The following SCAMP5 variants were observed in gnomAD, a reference collection of about 807,000 sequenced individuals.
SCAMP5 encodes secretory carrier-associated membrane protein 5.
Under a neutral mutation model 28.3 loss-of-function variants are expected in SCAMP5, and 7 were observed. The observed-to-expected ratio is 0.25, with a 90% CI of 0.14 to 0.46. The LOEUF is 0.46. Ranked by LOEUF, SCAMP5 falls within the 20% of genes least tolerant of loss-of-function variation. SCAMP5 has a pLI of 0.99. For missense variants in SCAMP5, 192 were observed against 312.5 expected (o/e 0.61, Z 2.91); for synonymous variants, 117 against 116.4 (o/e 1.00, Z -0.03).
chr15:75,020,324 C>T lies in SCAMP5; in HGVS notation c.*1341C>T, dbSNP rs2065895179. 6.5e-6 allele frequency: 1 copy of T among 152,828 alleles called. No individual in the cohort carries two copies. Among genetic ancestry groups the T allele is most frequent in the African/African-American group, 2.4e-5 (1 of 41,424 alleles). The allele number at this position is 152,828 out of a possible 1,614,324, so 9.5% of individuals were successfully genotyped here. A position where few individuals can be genotyped will look rare whatever the true frequency, so the allele number is the denominator to read the frequency against. On this transcript the variant is annotated 3_prime_UTR_variant, in exon 7 of 7. Coordinates refer to ENST00000425597, the MANE Select transcript of SCAMP5 (RefSeq NM_138967.4). Reference sequence around the variant, plus strand: ...AGAGGGGAGCATGCCTTCCCCCACCCTGGCTTGCTCTTGGTCACAGGGCGG... The same window carrying T: ...AGAGGGGAGCATGCCTTCCCCCACCTTGGCTTGCTCTTGGTCACAGGGCGG...
chr15:75,019,982 C>A lies in SCAMP5; in HGVS notation c.*999C>A. 1 of 153,924 alleles carries A rather than the reference C, an allele frequency of 6.5e-6. No individual in the cohort carries two copies. The allele number at this position is 153,924 out of a possible 1,614,324, so 9.5% of individuals were successfully genotyped here. On this transcript the variant is annotated 3_prime_UTR_variant, in exon 7 of 7. Coordinates refer to ENST00000425597, the MANE Select transcript of SCAMP5 (RefSeq NM_138967.4). ...TCCCTCTGCCTCCTCCCCATGCCCC[C>A]AGTTGCTGTGGCTTGATTCTGCTAC...
intron 1 of SCAMP5, among the ~76,000 whole-genome samples, chr15:75,010,538 A>G (rs1421878474): frequency 6.6e-6 from 1 of 152,046 alleles, no homozygotes; most frequent in Non-Finnish European, 1.5e-5. Flanking sequence ...TTCCCTTATG[A>G]TGGGTGGCTC....
chr15:74,998,774 C>A (rs1383333451), intron 1 of SCAMP5, among the ~76,000 whole-genome samples: 5 of 151,914 alleles, frequency 3.3e-5, no homozygotes, highest in Admixed American at 2.6e-4. Flanking sequence ...GCCCCAGATT[C>A]TCTCTGCCCT....
chr15:75,016,574 T>C lies in SCAMP5; in HGVS notation c.137-19T>C, dbSNP rs779943235. The C allele has an allele frequency of 1.9e-5, 31 of 1,607,318 alleles. No individual in the cohort carries two copies. The highest frequency in any genetic ancestry group is 1.8e-4 in the Middle Eastern group (1 of 5,574). ...CTGGGTGTCTGTCTCTATGTGTGCA[T>C]GTGCTCCTGGGCCTGCAGTGAACAG... On this transcript the variant is annotated intron_variant, in intron 3 of 6. Coordinates refer to ENST00000425597, the MANE Select transcript of SCAMP5 (RefSeq NM_138967.4).
At chr15:75,011,313 G>C (rs185958387) in intron 1 of SCAMP5, among the ~76,000 whole-genome samples, 1 of 152,300 alleles carries the variant, frequency 6.6e-6, no homozygotes, top group East Asian at 1.9e-4. Flanking sequence ...CTTGCCTTTT[G>C]TATGATTTAC....
In SCAMP5 at chr15:74,996,627, C is replaced by T. The variant is rs2065656832; in HGVS notation, c.-49+954C>T. On this transcript the variant is annotated intron_variant, in intron 1 of 6. Transcript: ENST00000425597. The surrounding 1 kb of genome is among the most constrained non-coding windows in gnomAD (Gnocchi z 4.1). Reference sequence around the variant, plus strand: ...GCAAAGGCACAGGGATGAAAACGAGCACAGCTGTTGGGGGCTGAGCCTGGG... The same window carrying T: ...GCAAAGGCACAGGGATGAAAACGAGTACAGCTGTTGGGGGCTGAGCCTGGG... Among the ~76,000 whole-genome samples the T allele has an allele frequency of 6.6e-6, 1 of 152,098 alleles. No individual in the cohort carries two copies. The highest frequency in any genetic ancestry group is 1.5e-5 in the Non-Finnish European group (1 of 68,026).
chr15:75,016,080 G>A (rs1456951568), intron 3 of SCAMP5, among the ~76,000 whole-genome samples: 3 of 152,164 alleles, frequency 2.0e-5, no homozygotes, highest in East Asian at 1.9e-4. Context: ...CCCATATCTC[G>A]AAAGAGAAAG....
intron 3 of SCAMP5, 72 bp from the exon 4 acceptor site, chr15:75,016,521 C>T: frequency 7.0e-7 from 1 of 1,428,622 alleles, no homozygotes; most frequent in Admixed American, 1.9e-5. Context: ...GTGCCCATGT[C>T]CGGGTGCTCA....
intron 3 of SCAMP5, 86 bp from the exon 4 acceptor site, chr15:75,016,507 G>A: frequency 1.6e-6 from 2 of 1,266,608 alleles, no homozygotes; most frequent in South Asian, 1.3e-5. Flanking sequence ...TTACTGGTGT[G>A]TGTGTGCCCA....
chr15:75,001,269 C>CA (rs34325708), intron 1 of SCAMP5, among the ~76,000 whole-genome samples: 3,924 of 57,700 alleles, frequency 0.068, 117 homozygotes, highest in East Asian at 0.11. Context: ...AGCGAGACTC[C>CA]AAAAAAAAAA....
At chr15:75,011,570 A>C in intron 1 of SCAMP5, 1 of 334,324 alleles carries the variant, frequency 3.0e-6, no homozygotes, top group East Asian at 4.4e-5. Flanking sequence ...TTCAGAGAGT[A>C]GATTTTGTGC....
intron 1 of SCAMP5, 140 bp downstream of exon 1, chr15:74,995,813 G>A (rs1268069602): frequency 1.3e-5 from 2 of 152,798 alleles, no homozygotes; most frequent in Admixed American, 6.5e-5. Context: ...AACTGCTGGA[G>A]AGGTGGGAGT....
intron 1 of SCAMP5, among the ~76,000 whole-genome samples, chr15:75,008,585 C>T (rs1190997560): frequency 1.3e-5 from 2 of 151,758 alleles, no homozygotes; most frequent in East Asian, 1.9e-4. Context: ...CTGCAACCTC[C>T]GCCTCCTGGG....
intron 1 of SCAMP5, among the ~76,000 whole-genome samples, chr15:75,004,877 T>G (rs533517674): frequency 1.3e-5 from 2 of 151,748 alleles, no homozygotes; most frequent in South Asian, 4.2e-4. Flanking sequence ...ATAGCTGTGA[T>G]TTTAAAATCC....
chr15:74,996,269 G>C lies in SCAMP5; in HGVS notation c.-49+596G>C, dbSNP rs3812946. 0.13 allele frequency: 19,741 copies of C among 152,544 alleles called. 1,900 individuals carry two copies. Among genetic ancestry groups the C allele is most frequent in the South Asian group, 0.43 (2,082 of 4,840 alleles). The allele number at this position is 152,544 out of a possible 1,614,324, so 9.4% of individuals were successfully genotyped here. ...ATCAGGGCTTTGGGTGGTGAGTTGG[G>C]GGCGCCGGATTTGGCTCATTTCAAC... is the stretch of plus-strand genomic sequence containing the variant. On this transcript the variant is annotated intron_variant, in intron 1 of 6. Coordinates refer to ENST00000425597, the MANE Select transcript of SCAMP5 (RefSeq NM_138967.4). The surrounding 1 kb of genome is among the most constrained non-coding windows in gnomAD (Gnocchi z 4.1).
chr15:74,999,812 A>C (rs1437088490), intron 1 of SCAMP5, among the ~76,000 whole-genome samples: 1 of 152,138 alleles, frequency 6.6e-6, no homozygotes, highest in Non-Finnish European at 1.5e-5. Flanking sequence ...AAAATAAATA[A>C]ATAAAATAAA....
At chr15:75,014,552 A>C (rs1197392407) in intron 3 of SCAMP5, among the ~76,000 whole-genome samples, 3 of 152,202 alleles carry the variant, frequency 2.0e-5, no homozygotes, top group Non-Finnish European at 4.4e-5. Context: ...AGTCTTCCTC[A>C]TGGGGTCCCC....
chr15:75,012,413 C>T (rs78434425), intron 2 of SCAMP5, among the ~76,000 whole-genome samples: 13,658 of 152,262 alleles, frequency 0.09, 1,279 homozygotes, highest in South Asian at 0.43. Flanking sequence ...GGCCCTGAGA[C>T]AGTGTCACTC....
rs2141417971 is a variant in SCAMP5, at chr15:74,996,933, A to T, written c.-49+1260A>T. ...GTCTTAGGTTTAGCAAACCCCTTGG[A>T]GAGTTAGTGGGGTCCCAGGAGGGGA... On this transcript the variant is annotated intron_variant, in intron 1 of 6. Transcript: ENST00000425597. This position sits in a 1 kb window ranked among gnomAD's most constrained non-coding sequence, Gnocchi z 4.1. Among the ~76,000 whole-genome samples the T allele has an allele frequency of 1.3e-5, 2 of 152,152 alleles. No individual in the cohort carries two copies. The highest frequency in any genetic ancestry group is 6.8e-3 in the Middle Eastern group (2 of 294).
Sources: allele counts gnomAD v4.1 joint callset (sites outside exome capture counted in the v4.1 genomes callset), GRCh38; gene constraint gnomAD v4.1.1; non-coding constraint Gnocchi (gnomAD v3.1); transcripts MANE v1.5; gene names NCBI Gene and HGNC (gene_info 2026-07-23, HGNC 2026-07-21).